The following AKAP19 variants were observed in gnomAD, a reference collection of about 807,000 sequenced individuals.
AKAP19 encodes the protein A-kinase anchoring protein 19.
the AKAP19 span, among the ~76,000 whole-genome samples, chr2:190,008,143 C>T: frequency 5.9e-5 from 9 of 152,162 alleles, no homozygotes; most frequent in Non-Finnish European, 1.3e-4. Context: ...ACTGAAATAT[C>T]TGTTGGTGCT....
At chr2:190,010,723 T>C in the AKAP19 span, among the ~76,000 whole-genome samples, 3 of 152,160 alleles carry the variant, frequency 2.0e-5, no homozygotes, top group Non-Finnish European at 4.4e-5. Context: ...CATAAAACAA[T>C]ACATATTTTC....
chr2:190,075,155 A>G, the AKAP19 span, among the ~76,000 whole-genome samples: 2 of 152,180 alleles, frequency 1.3e-5, no homozygotes, highest in Non-Finnish European at 2.9e-5. Context: ...TTTTGACCAT[A>G]CTTATTTAGA....
chr2:189,924,392 C>T, the AKAP19 span, among the ~76,000 whole-genome samples: 2 of 152,210 alleles, frequency 1.3e-5, no homozygotes, highest in Non-Finnish European at 2.9e-5. Context: ...CGCCTAGTCC[C>T]ATTTTCACTT....
At chr2:190,097,811 C>G in the AKAP19 span, among the ~76,000 whole-genome samples, 4 of 138,062 alleles carry the variant, frequency 2.9e-5, no homozygotes, top group African/African-American at 1.1e-4. Flanking sequence ...TCACTTGAGC[C>G]CAGGAATTAG....
the AKAP19 span, among the ~76,000 whole-genome samples, chr2:190,011,967 T>TTG: frequency 1.3e-5 from 2 of 150,770 alleles, no homozygotes; most frequent in African/African-American, 2.4e-5. Context: ...TTTTTTTTTT[T>TTG]AAAACTCACA....
At chr2:189,898,506 A>G in the AKAP19 span, among the ~76,000 whole-genome samples, 1 of 151,968 alleles carries the variant, frequency 6.6e-6, no homozygotes, top group African/African-American at 2.4e-5. Flanking sequence ...TGCCTTTTTC[A>G]TTTCCCAGTG....
chr2:190,062,690 A>C, the AKAP19 span: 2 of 1,229,828 alleles, frequency 1.6e-6, no homozygotes, highest in Admixed American at 4.2e-5. Context: ...ATTTTAATGC[A>C]TGTACAGTCT....
chr2:190,057,288 C>T, the AKAP19 span: 39 of 1,613,188 alleles, frequency 2.4e-5, no homozygotes, highest in Admixed American at 1.2e-4. Context: ...CTACTACCAT[C>T]GCTGGAATTT....
At chr2:190,005,226 C>G in the AKAP19 span, among the ~76,000 whole-genome samples, 1 of 152,152 alleles carries the variant, frequency 6.6e-6, no homozygotes, top group South Asian at 2.1e-4. Flanking sequence ...TGCAGGGAGA[C>G]CTGACCAGGT....
the AKAP19 span, among the ~76,000 whole-genome samples, chr2:190,053,650 T>A: frequency 2.6e-5 from 4 of 152,202 alleles, no homozygotes; most frequent in Non-Finnish European, 5.9e-5. Flanking sequence ...AAGTCATGAC[T>A]TGCCTATCAT....
At chr2:190,184,509 A>G in the AKAP19 span, among the ~76,000 whole-genome samples, 1 of 152,360 alleles carries the variant, frequency 6.6e-6, no homozygotes, top group Non-Finnish European at 1.5e-5. Context: ...TCTGTACAAA[A>G]TAAAGAAAAA....
the AKAP19 span, chr2:189,930,872 C>A: frequency 1.4e-6 from 1 of 729,522 alleles, no homozygotes; most frequent in Non-Finnish European, 2.5e-6. Context: ...GGATGGTAGA[C>A]TGGAGCTGGA....
the AKAP19 span, among the ~76,000 whole-genome samples, chr2:190,036,300 G>C: frequency 6.6e-6 from 1 of 152,112 alleles, no homozygotes. Flanking sequence ...ATGTGGCTGT[G>C]AGCTATGGCA....
At chr2:190,193,676 G>A in the AKAP19 span, among the ~76,000 whole-genome samples, 1 of 152,034 alleles carries the variant, frequency 6.6e-6, no homozygotes, top group Non-Finnish European at 1.5e-5. Flanking sequence ...GTATATAGAT[G>A]TCATAATGCC....
At chr2:190,097,901 A>G in the AKAP19 span, among the ~76,000 whole-genome samples, 1 of 151,746 alleles carries the variant, frequency 6.6e-6, no homozygotes, top group Non-Finnish European at 1.5e-5. Context: ...AGAAAAGAAA[A>G]AGAAAAAAAG....
chr2:189,965,027 A>T, the AKAP19 span, among the ~76,000 whole-genome samples: 1 of 152,170 alleles, frequency 6.6e-6, no homozygotes, highest in Non-Finnish European at 1.5e-5. Flanking sequence ...TACTAAACTT[A>T]ATCATTTCTA....
the AKAP19 span, among the ~76,000 whole-genome samples, chr2:190,199,266 G>T: frequency 6.6e-6 from 1 of 152,168 alleles, no homozygotes; most frequent in Non-Finnish European, 1.5e-5. Context: ...GGGCCACATG[G>T]TCTGTCACAG....
the AKAP19 span, chr2:190,202,630 G>A: frequency 6.0e-6 from 1 of 166,930 alleles, no homozygotes; most frequent in African/African-American, 2.4e-5. Flanking sequence ...ATAAAAGAGA[G>A]TAGAAGGACT....
the AKAP19 span, among the ~76,000 whole-genome samples, chr2:190,003,324 A>G: frequency 2.0e-5 from 3 of 152,140 alleles, no homozygotes; most frequent in East Asian, 5.8e-4. Flanking sequence ...CTTTCTTAAT[A>G]TTTATCTATT....
Sources: allele counts gnomAD v4.1 joint callset (sites outside exome capture counted in the v4.1 genomes callset), GRCh38; gene constraint gnomAD v4.1.1; transcripts MANE v1.5; gene names NCBI Gene and HGNC (gene_info 2026-07-23, HGNC 2026-07-21).